Variants in HEPH observed in about 807,000 individuals in gnomAD.
The protein encoded by HEPH is hephaestin.
A neutral mutation model predicts 80.8 loss-of-function variants in HEPH; 69 were observed. The ratio of observed to expected loss-of-function variants is 0.85; its 90% CI spans 0.70 to 1.04. The LOEUF (loss-of-function observed/expected upper bound fraction) is 1.04, where lower values mean the gene tolerates loss of function less well. HEPH is among the 50% of genes least tolerant of loss of function. HEPH has a pLI of 0.00. For missense variants in HEPH, 1,115 were observed against 891.3 expected (o/e 1.25, Z -3.20); for synonymous variants, 431 against 322.8 (o/e 1.34, Z -3.60).
chrX:66,250,960 T>G (rs1418357579), intron 15 of HEPH, among the ~76,000 whole-genome samples: 1 of 112,361 alleles, frequency 8.9e-6, no homozygotes, highest in Non-Finnish European at 1.9e-5. Flanking sequence ...CTTGGCTAAC[T>G]GCAACCTCTG....
In HEPH at chrX:66,173,542, G is replaced by T. The variant is rs1024066677; in HGVS notation, c.413-47G>T. 7 of 962,609 alleles carry T rather than the reference G, an allele frequency of 7.3e-6. No homozygotes were observed. In the African/African-American group the frequency reaches 9.6e-5, roughly 13 times the overall value. 79.3% of individuals were successfully genotyped at this position (962,609 alleles called of 1,213,427 possible). ...CTGTCTTAATTTATGTATTTGCCAC[G>T]GTCCCTCACTTATTCTGGGCCTGTG... On this transcript the variant is annotated intron_variant, in intron 3 of 20. Transcript: ENST00000343002.
chrX:66,249,173 G>T lies in HEPH; in HGVS notation c.2564-5862G>T, dbSNP rs144753054. Among the ~76,000 whole-genome samples, 411 of 111,154 alleles carry T rather than the reference G, an allele frequency of 3.7e-3. 4 individuals carry two copies. Among genetic ancestry groups the T allele is most frequent in the African/African-American group, 0.013 (391 of 30,648 alleles). ...GCTTGGTAGACATGGATAAGGAATG[G>T]AATTTTAAAGGATGAGAGCTTTTGT... On this transcript the variant is annotated intron_variant, in intron 15 of 20. Coordinates refer to ENST00000343002, the MANE Select transcript of HEPH (RefSeq NM_001367233.3).
chrX:66,236,441 A>G (rs2090365365), intron 15 of HEPH, among the ~76,000 whole-genome samples: 1 of 111,746 alleles, frequency 8.9e-6, no homozygotes, highest in Non-Finnish European at 1.9e-5. Context: ...TGTTGAACTG[A>G]TCTTGCATCC....
rs375293289 is a variant in HEPH at position 66,216,583 on chromosome X, C to G, written c.2563+8337C>G. Among the ~76,000 whole-genome samples the G allele has an allele frequency of 1.1e-3, 123 of 111,774 alleles. No individual in the cohort carries two copies. The South Asian group carries it at 0.012, about 11-fold the overall frequency. ...TAATTTGAACAGCAGCCTCTGAGTC[C>G]CAGATCTTCCCTCTAACATAGTCTA... On this transcript the variant is annotated intron_variant, in intron 15 of 20. Transcript: ENST00000343002.
intron 16 of HEPH, among the ~76,000 whole-genome samples, chrX:66,255,873 A>G (rs916141931): frequency 2.7e-5 from 3 of 112,321 alleles, no homozygotes; most frequent in African/African-American, 9.7e-5. Flanking sequence ...AGAGATCAAT[A>G]AATAGTTTAG....
At chrX:66,248,516 A>G (rs1290164876) in intron 15 of HEPH, among the ~76,000 whole-genome samples, 1 of 112,088 alleles carries the variant, frequency 8.9e-6, no homozygotes, top group Non-Finnish European at 1.9e-5. Flanking sequence ...GGCAATTTGT[A>G]TGTGCCAAAG....
intron 15 of HEPH, among the ~76,000 whole-genome samples, chrX:66,231,604 T>C (rs1228883300): frequency 1.8e-5 from 2 of 109,823 alleles, no homozygotes; most frequent in East Asian, 2.9e-4. Flanking sequence ...ATAAGAATGT[T>C]TGTGATTTTT....
chrX:66,186,983 T>A (rs927754317), intron 4 of HEPH, among the ~76,000 whole-genome samples: 3 of 111,376 alleles, frequency 2.7e-5, no homozygotes, highest in Non-Finnish European at 3.8e-5. Flanking sequence ...GTCTTCAGAC[T>A]CTGAATTTTT....
At chrX:66,245,572 G>A (rs1392525126) in intron 15 of HEPH, among the ~76,000 whole-genome samples, 3 of 110,916 alleles carry the variant, frequency 2.7e-5, no homozygotes, top group Non-Finnish European at 3.8e-5. Context: ...ACAGATCAAC[G>A]AGACAGAAAG....
chrX:66,172,587 A>T lies in HEPH; in HGVS notation c.400A>T (p.Lys134Ter). Reference sequence around the variant, plus strand: ...CCACCCTCATGGTGTCTTCTACGAGAAGGACTCTGAAGGTAAACCATTCCA... The same window carrying T: ...CCACCCTCATGGTGTCTTCTACGAGTAGGACTCTGAAGGTAAACCATTCCA... ...TIHPHGVFYE[K>*]DSEGSLYPDG... is the part of the protein sequence containing the mutation. Residue 134 changes from lysine (K) to a stop codon, truncating the protein, a stop_gained, in exon 3 of 21, where the codon AAG (lysine) becomes TAG (stop). Coordinates refer to ENST00000343002, the MANE Select transcript of HEPH (RefSeq NM_001367233.3). LOFTEE classifies it high-confidence loss of function. The T allele has an allele frequency of 8.7e-7, 1 of 1,144,215 alleles. No individual in the cohort carries two copies. Among genetic ancestry groups the T allele is most frequent in the Non-Finnish European group, 1.2e-6 (1 of 860,250 alleles). 94.3% of individuals were successfully genotyped at this position (1,144,215 alleles called of 1,213,427 possible).
At chrX:66,182,322 C>T (rs1336948590) in intron 4 of HEPH, among the ~76,000 whole-genome samples, 1 of 14,626 alleles carries the variant, frequency 6.8e-5, no homozygotes, top group Non-Finnish European at 1.3e-4. Context: ...TTGATTCTTC[C>T]TACCCATGAG....
At chrX:66,227,097 T>C (rs961446501) in intron 15 of HEPH, among the ~76,000 whole-genome samples, 4 of 112,006 alleles carry the variant, frequency 3.6e-5, no homozygotes, top group African/African-American at 1.3e-4. Flanking sequence ...ATCAGGTGGG[T>C]TTCATACAAA....
chrX:66,221,961 C>T (rs745656205), intron 15 of HEPH, among the ~76,000 whole-genome samples: 1 of 112,165 alleles, frequency 8.9e-6, no homozygotes, highest in East Asian at 2.8e-4. Flanking sequence ...TTTTTCCTCC[C>T]TATGGTTGAT....
At chrX:66,195,332 T>G (rs2206203) in intron 9 of HEPH, 103 bp downstream of exon 9, 175,286 of 666,784 alleles carry the variant, frequency 0.26, 24,035 homozygotes, top group African/African-American at 0.87. Context: ...GGCAGAATTA[T>G]TTGCCATATG....
At chrX:66,244,366 T>A (rs780663421) in intron 15 of HEPH, among the ~76,000 whole-genome samples, 117 of 111,906 alleles carry the variant, frequency 1.0e-3, no homozygotes, top group Middle Eastern at 4.6e-3. Context: ...TGTTCATTTA[T>A]TTTTATTTTT....
intron 6 of HEPH, 93 bp downstream of exon 6, chrX:66,190,031 G>C: frequency 1.1e-6 from 1 of 931,842 alleles, no homozygotes; most frequent in Non-Finnish European, 1.5e-6. Context: ...CCATAAATAA[G>C]TCCTCCAGTT....
chrX:66,215,047 A>T (rs926348238), intron 15 of HEPH, among the ~76,000 whole-genome samples: 4 of 111,613 alleles, frequency 3.6e-5, no homozygotes, highest in Non-Finnish European at 7.5e-5. Flanking sequence ...AAATTTATAG[A>T]TTAATTTGGA....
intron 15 of HEPH, among the ~76,000 whole-genome samples, chrX:66,247,192 A>T (rs1602511987): frequency 9.1e-6 from 1 of 109,963 alleles, no homozygotes; most frequent in East Asian, 2.8e-4. Flanking sequence ...AGCTTCTCGG[A>T]TGTGTAGATT....
intron 15 of HEPH, among the ~76,000 whole-genome samples, chrX:66,213,566 T>C (rs2089251923): frequency 8.9e-6 from 1 of 111,969 alleles, no homozygotes; most frequent in South Asian, 3.7e-4. Context: ...TATTCCTAGG[T>C]ATTTTATTAT....
Sources: allele counts gnomAD v4.1 joint callset (sites outside exome capture counted in the v4.1 genomes callset), GRCh38; gene constraint gnomAD v4.1.1; transcripts MANE v1.5; gene names NCBI Gene and HGNC (gene_info 2026-07-23, HGNC 2026-07-21).